DIAPH2: variants seen among roughly 807,000 people sequenced by gnomAD.
DIAPH2 encodes diaphanous related formin 2, also known as protein diaphanous homolog 2.
In DIAPH2, 35 loss-of-function variants were observed where a neutral mutation model predicts 92.7. That is an observed-to-expected ratio of 0.38 (90% CI 0.29 to 0.50). The LOEUF is 0.50. Among genes scored for constraint, DIAPH2 ranks in the 20% least tolerant of loss-of-function variants. DIAPH2 has a pLI of 0.94. For synonymous variants in DIAPH2, 301 were observed against 280.4 expected (o/e 1.07, Z -0.73); for missense variants, 701 against 819.5 (o/e 0.86, Z 1.77).
chrX:97,561,697 T>G (rs1469054200), intron 26 of DIAPH2, among the ~76,000 whole-genome samples: 1 of 112,510 alleles, frequency 8.9e-6, no homozygotes, highest in Non-Finnish European at 1.9e-5. Context: ...AGGATCTGCC[T>G]TGCCTTAGAG....
chrX:97,051,524 T>C lies in DIAPH2; in HGVS notation c.2051-21417T>C, dbSNP rs560219004. On this transcript the variant is annotated intron_variant, in intron 17 of 26. Transcript: ENST00000324765. ...GTCTTGCTTTGTTTTTTTTTCTTTT[T>C]TTTTTTAATTGGCCACTCACCTCAA... Among the ~76,000 whole-genome samples, 93 of 109,539 alleles carry C rather than the reference T, an allele frequency of 8.5e-4. No individual in the cohort carries two copies. In the South Asian group the frequency reaches 0.035, roughly 42 times the overall value.
intron 23 of DIAPH2, among the ~76,000 whole-genome samples, chrX:97,300,302 A>T (rs945148349): frequency 8.0e-5 from 9 of 112,015 alleles, no homozygotes; most frequent in African/African-American, 2.9e-4. Context: ...CTCTATGTGA[A>T]TAAGACATCA....
intron 17 of DIAPH2, among the ~76,000 whole-genome samples, chrX:97,010,421 G>A (rs2066216788): frequency 9.0e-6 from 1 of 111,540 alleles, no homozygotes; most frequent in African/African-American, 3.3e-5. Context: ...TCAGTGGTAT[G>A]AATTTAAAAC....
At chrX:97,161,051 G>GTTTTTTTTTTTTTTTTT (rs533317066) in intron 22 of DIAPH2, among the ~76,000 whole-genome samples, 1 of 88,945 alleles carries the variant, frequency 1.1e-5, no homozygotes, top group East Asian at 3.6e-4. Flanking sequence ...TTGTTTTTTT[G>GTTTTTTTTTTTTTTTTT]TTTTTTTTTT....
At chrX:96,771,323 A>C (rs2064337466) in intron 4 of DIAPH2, among the ~76,000 whole-genome samples, 1 of 111,913 alleles carries the variant, frequency 8.9e-6, no homozygotes, top group Non-Finnish European at 1.9e-5. Context: ...CAAATTCATT[A>C]GCTGTGCATT....
At chrX:97,324,319 C>G (rs1407077032) in intron 23 of DIAPH2, among the ~76,000 whole-genome samples, 1 of 111,755 alleles carries the variant, frequency 8.9e-6, no homozygotes, top group Non-Finnish European at 1.9e-5. Flanking sequence ...CAGGTGGCAA[C>G]TGCACTGTCA....
chrX:96,708,970 TG>T (rs1486627556), intron 1 of DIAPH2, among the ~76,000 whole-genome samples: 1 of 112,137 alleles, frequency 8.9e-6, no homozygotes, highest in Admixed American at 9.5e-5. Flanking sequence ...AGTGGCTGTA[TG>T]GGATGGGACT....
intron 19 of DIAPH2, among the ~76,000 whole-genome samples, chrX:97,097,927 T>C (rs759354602): frequency 8.9e-6 from 1 of 112,318 alleles, no homozygotes; most frequent in African/African-American, 3.2e-5. Context: ...AAATAGTGGA[T>C]TCTCTTGATT....
intron 25 of DIAPH2, among the ~76,000 whole-genome samples, chrX:97,427,723 C>T (rs750523909): frequency 5.5e-5 from 6 of 109,988 alleles, no homozygotes; most frequent in South Asian, 4.0e-4. Flanking sequence ...GTCTGTTGCC[C>T]GGGCTGGAGT....
At chrX:97,572,889 G>A (rs779393070) in intron 26 of DIAPH2, among the ~76,000 whole-genome samples, 3 of 111,580 alleles carry the variant, frequency 2.7e-5, no homozygotes, top group East Asian at 2.8e-4. Flanking sequence ...AGGTACCAAC[G>A]AGTCATCCAA....
chrX:96,836,234 C>T (rs1480914810), intron 4 of DIAPH2, among the ~76,000 whole-genome samples: 1 of 110,004 alleles, frequency 9.1e-6, no homozygotes, highest in Non-Finnish European at 1.9e-5. Context: ...AGTCTCTTAA[C>T]CACAGAGGTG....
intron 17 of DIAPH2, among the ~76,000 whole-genome samples, chrX:97,067,429 G>T (rs1453644810): frequency 9.0e-6 from 1 of 111,182 alleles, no homozygotes; most frequent in Non-Finnish European, 1.9e-5. Flanking sequence ...TTTAGCAAAC[G>T]CCCATCTACC....
intron 25 of DIAPH2, among the ~76,000 whole-genome samples, chrX:97,411,611 T>A (rs1399133818): frequency 1.8e-5 from 2 of 111,610 alleles, no homozygotes; most frequent in Non-Finnish European, 3.8e-5. Flanking sequence ...GACTGGCAAG[T>A]TGAATAAAGA....
intron 17 of DIAPH2, among the ~76,000 whole-genome samples, chrX:97,049,899 G>T (rs927054432): frequency 9.0e-6 from 1 of 111,183 alleles, no homozygotes; most frequent in Non-Finnish European, 1.9e-5. Flanking sequence ...ATATATGCAA[G>T]CACTGTGCAG....
chrX:96,722,475 G>A (rs776414495), intron 1 of DIAPH2, among the ~76,000 whole-genome samples: 45 of 110,796 alleles, frequency 4.1e-4, no homozygotes, highest in Admixed American at 1.6e-3. Context: ...ACTTGTTGCT[G>A]TCTAGCTGCA....
intron 23 of DIAPH2, among the ~76,000 whole-genome samples, chrX:97,339,937 CT>C (rs778950928): frequency 2.3e-4 from 26 of 112,129 alleles, no homozygotes; most frequent in African/African-American, 8.4e-4. Context: ...ATAAATTACT[CT>C]GAATTACCTT....
intron 4 of DIAPH2, among the ~76,000 whole-genome samples, chrX:96,874,012 A>G (rs1602584554): frequency 8.9e-6 from 1 of 112,117 alleles, no homozygotes; most frequent in East Asian, 2.8e-4. Flanking sequence ...TGAAGAAGTG[A>G]TAAGCATAAA....
At chrX:96,920,329 C>G (rs1180006625) in intron 9 of DIAPH2, among the ~76,000 whole-genome samples, 1 of 111,680 alleles carries the variant, frequency 9.0e-6, no homozygotes. Context: ...GCTTACCTAA[C>G]TAAATTTCAC....
chrX:97,517,662 A>G (rs1053597857), intron 26 of DIAPH2, among the ~76,000 whole-genome samples: 24 of 112,691 alleles, frequency 2.1e-4, no homozygotes, highest in African/African-American at 5.5e-4. Context: ...TAAAACATTG[A>G]CCAGCTAAGG....
Sources: gnomAD v4.1 joint callset for allele counts (sites outside exome capture counted in the v4.1 genomes callset) on GRCh38, gnomAD v4.1.1 for gene constraint, MANE v1.5 for transcripts, NCBI Gene and HGNC (gene_info 2026-07-23, HGNC 2026-07-21) for gene names.